The following SLC9A9 variants were observed in gnomAD, a reference collection of about 807,000 sequenced individuals.
SLC9A9 encodes sodium/hydrogen exchanger 9.
SLC9A9 carries 62 observed loss-of-function variants against 77.8 expected under a neutral mutation model. The ratio of observed to expected loss-of-function variants is 0.80; its 90% CI spans 0.65 to 0.98. The LOEUF (loss-of-function observed/expected upper bound fraction) is 0.98. SLC9A9 is among the 50% of genes least tolerant of loss of function. The probability of loss-of-function intolerance (pLI) is 0.00; values close to 1 mark genes in which losing one functional copy is unlikely to be tolerated. For missense variants in SLC9A9, 775 were observed against 774.9 expected, an observed-to-expected ratio of 1.00 and a Z score of 0.00; for synonymous variants, 320 against 283.5, an observed-to-expected ratio of 1.13 and a Z score of -1.29.
intron 6 of SLC9A9, among the ~76,000 whole-genome samples, chr3:143,593,277 A>G (rs1013823024): frequency 6.6e-6 from 1 of 152,176 alleles, no homozygotes; most frequent in African/African-American, 2.4e-5. Flanking sequence ...CTCCTTTTAT[A>G]GCAAATCTCT....
chr3:143,320,307 G>A (rs1057030736), intron 14 of SLC9A9, among the ~76,000 whole-genome samples: 8 of 152,226 alleles, frequency 5.3e-5, no homozygotes, highest in Admixed American at 3.9e-4. Flanking sequence ...CTGTTCCAAT[G>A]ACATCAGATT....
intron 4 of SLC9A9, among the ~76,000 whole-genome samples, chr3:143,747,404 C>CAAA (rs1003997379): frequency 0.095 from 4,918 of 51,548 alleles, 122 homozygotes; most frequent in Non-Finnish European, 0.14. Context: ...AACTCCATCT[C>CAAA]AAAAAAAAAA....
At chr3:143,386,021 G>A (rs547450536) in intron 12 of SLC9A9, among the ~76,000 whole-genome samples, 2 of 152,234 alleles carry the variant, frequency 1.3e-5, no homozygotes, top group Admixed American at 6.5e-5. Context: ...GAACTTGTGC[G>A]ATACCCTGCC....
In SLC9A9 at chr3:143,693,307, C is replaced by T. The variant is rs541251714; in HGVS notation, c.534G>A (p.Gly178=). 2 of 1,610,336 alleles carry T rather than the reference C, an allele frequency of 1.2e-6. No individual in the cohort carries two copies. Among genetic ancestry groups the T allele is most frequent in the African/African-American group, 1.3e-5 (1 of 74,802 alleles). The change falls in exon 5 of 16, where the codon GGG becomes GGA. Residue 178 remains glycine, a splice_region_variant and synonymous_variant. Transcript: ENST00000316549. ...LGTAISCIVI[G]LIMYGFVKAM... ...CCTTCACAAAACCATACATAATTAA[C>T]CTGTTGAAGAGAAAAACATGACCTT...
At chr3:143,483,127 G>A (rs1046556161) in intron 11 of SLC9A9, among the ~76,000 whole-genome samples, 2 of 152,242 alleles carry the variant, frequency 1.3e-5, no homozygotes, top group South Asian at 4.1e-4. Flanking sequence ...CAAGACAGAG[G>A]AGACAGATTC....
intron 4 of SLC9A9, among the ~76,000 whole-genome samples, chr3:143,768,288 T>C (rs2007397782): frequency 1.3e-5 from 2 of 152,116 alleles, no homozygotes; most frequent in Non-Finnish European, 2.9e-5. Context: ...ATACCACTTG[T>C]TAAGGGGGCA....
At chr3:143,830,199 G>A (rs899055660) in intron 2 of SLC9A9, among the ~76,000 whole-genome samples, 6 of 152,176 alleles carry the variant, frequency 3.9e-5, no homozygotes, top group Non-Finnish European at 8.8e-5. Context: ...AATACAGTAA[G>A]TATGCTAGTA....
At chr3:143,795,420 C>G (rs944567822) in intron 3 of SLC9A9, among the ~76,000 whole-genome samples, 1 of 152,060 alleles carries the variant, frequency 6.6e-6, no homozygotes, top group African/African-American at 2.4e-5. Context: ...ATGGAAGACA[C>G]AGTTTTCATG....
At chr3:143,377,372 C>T (rs1476207701) in intron 13 of SLC9A9, among the ~76,000 whole-genome samples, 3 of 152,204 alleles carry the variant, frequency 2.0e-5, no homozygotes, top group South Asian at 2.1e-4. Flanking sequence ...TGTGCCCCTT[C>T]GTAGTTCTAG....
chr3:143,433,593 T>C (rs1273290305), intron 12 of SLC9A9, among the ~76,000 whole-genome samples: 2 of 152,178 alleles, frequency 1.3e-5, no homozygotes, highest in East Asian at 1.9e-4. Context: ...GGTGATATTA[T>C]AAAAGGTGGG....
chr3:143,586,478 G>C (rs2037543595), intron 6 of SLC9A9, among the ~76,000 whole-genome samples: 1 of 151,836 alleles, frequency 6.6e-6, no homozygotes, highest in South Asian at 2.1e-4. Flanking sequence ...TGTTTTTTTG[G>C]GCCTGGGTGT....
intron 6 of SLC9A9, among the ~76,000 whole-genome samples, chr3:143,637,903 T>C (rs150459413): frequency 2.4e-3 from 373 of 152,340 alleles, no homozygotes; most frequent in African/African-American, 8.8e-3. Flanking sequence ...TTAAAGTTTT[T>C]CCATGAAAAC....
intron 1 of SLC9A9, among the ~76,000 whole-genome samples, chr3:143,843,597 G>A (rs2009760775): frequency 6.6e-6 from 1 of 152,174 alleles, no homozygotes; most frequent in African/African-American, 2.4e-5. Flanking sequence ...TAACTTCTAT[G>A]GGAAGGCCAG....
At chr3:143,434,072 G>C (rs1276567530) in intron 12 of SLC9A9, among the ~76,000 whole-genome samples, 1 of 152,096 alleles carries the variant, frequency 6.6e-6, no homozygotes, top group African/African-American at 2.4e-5. Flanking sequence ...GAAAAGTAAA[G>C]TATATGGCAC....
At chr3:143,375,228 A>C (rs548648797) in intron 13 of SLC9A9, among the ~76,000 whole-genome samples, 3 of 152,252 alleles carry the variant, frequency 2.0e-5, no homozygotes, top group Non-Finnish European at 4.4e-5. Context: ...ACAGATTACT[A>C]TAAAGTCCAA....
chr3:143,843,234 G>A (rs2108899387), intron 1 of SLC9A9, among the ~76,000 whole-genome samples: 1 of 152,254 alleles, frequency 6.6e-6, no homozygotes, highest in Admixed American at 6.5e-5. Context: ...GGCTGTCCTG[G>A]AGGAGGGTAA....
intron 5 of SLC9A9, among the ~76,000 whole-genome samples, chr3:143,690,623 C>T (rs781118738): frequency 3.9e-5 from 6 of 152,050 alleles, no homozygotes; most frequent in East Asian, 1.9e-4. Flanking sequence ...AAAAATGGCA[C>T]CTTTTGATCA....
At chr3:143,491,631 C>G (rs114666315) in intron 11 of SLC9A9, among the ~76,000 whole-genome samples, 1 of 152,088 alleles carries the variant, frequency 6.6e-6, no homozygotes, top group Non-Finnish European at 1.5e-5. Context: ...CCAATACTAC[C>G]GTTAAACAAA....
intron 4 of SLC9A9, among the ~76,000 whole-genome samples, chr3:143,774,915 T>G (rs1433852398): frequency 6.6e-6 from 1 of 152,144 alleles, no homozygotes; most frequent in Non-Finnish European, 1.5e-5. Flanking sequence ...CTCCTCAGCT[T>G]TTCTGGCTTC....
Sources: allele counts gnomAD v4.1 joint callset (sites outside exome capture counted in the v4.1 genomes callset), GRCh38; gene constraint gnomAD v4.1.1; transcripts MANE v1.5; gene names NCBI Gene and HGNC (gene_info 2026-07-23, HGNC 2026-07-21).